The following OLA1 variants were observed in gnomAD, a reference collection of about 807,000 sequenced individuals.
OLA1 encodes obg-like ATPase 1.
OLA1 carries 14 observed loss-of-function variants against 48.4 expected under a neutral mutation model. The observed-to-expected ratio is 0.29, with a 90% CI of 0.19 to 0.45. The LOEUF is 0.45. Ranked by LOEUF, OLA1 falls within the 20% of genes least tolerant of loss-of-function variation. OLA1 has a pLI of 1.00. For synonymous variants in OLA1, 127 were observed against 150.4 expected, an observed-to-expected ratio of 0.84 and a Z score of 1.14; for missense variants, 325 against 467.1, an observed-to-expected ratio of 0.70 and a Z score of 2.80.
At chr2:174,230,963 GC>G (rs1202484078) in intron 2 of OLA1, among the ~76,000 whole-genome samples, 2 of 152,198 alleles carry the variant, frequency 1.3e-5, no homozygotes, top group Non-Finnish European at 2.9e-5. Context: ...CCCATTCTGG[GC>G]AAAAGAAGGA....
chr2:174,130,812 T>G (rs1686163445), intron 5 of OLA1, among the ~76,000 whole-genome samples: 1 of 150,992 alleles, frequency 6.6e-6, no homozygotes, highest in African/African-American at 2.4e-5. Flanking sequence ...CTTAGTAGAA[T>G]GCAAAAAGAT....
intron 2 of OLA1, among the ~76,000 whole-genome samples, chr2:174,241,476 C>T (rs141682346): frequency 2.1e-3 from 320 of 152,200 alleles, no homozygotes; most frequent in African/African-American, 7.4e-3. Flanking sequence ...GATTGGTCTG[C>T]AGAAATTTGG....
intron 4 of OLA1, among the ~76,000 whole-genome samples, chr2:174,209,939 C>T (rs985862029): frequency 1.8e-4 from 28 of 151,780 alleles, no homozygotes; most frequent in Non-Finnish European, 4.1e-4. Context: ...AACTATTAAC[C>T]AATGATATAT....
At chr2:174,203,671 C>T (rs1208252161) in intron 4 of OLA1, among the ~76,000 whole-genome samples, 1 of 151,804 alleles carries the variant, frequency 6.6e-6, no homozygotes, top group Admixed American at 6.6e-5. Flanking sequence ...TTCCCCAGCT[C>T]CTCCATTTTA....
chr2:174,225,107 C>T lies in OLA1; in HGVS notation c.246-1947G>A, dbSNP rs536551117. 3.9e-5 allele frequency among the ~76,000 whole-genome samples: 6 copies of T among 152,212 alleles called. No homozygotes were observed. In the South Asian group the frequency reaches 1.2e-3, roughly 32 times the overall value. On this transcript the variant is annotated intron_variant, in intron 3 of 10. Coordinates refer to ENST00000284719, the MANE Select transcript of OLA1 (RefSeq NM_013341.5). Reference sequence around the variant, plus strand: ...TGGATCCCTCATGAATGGCTTGGTGCCCTCTCCATAGTAATGAGTGAGTTC... The same window carrying T: ...TGGATCCCTCATGAATGGCTTGGTGTCCTCTCCATAGTAATGAGTGAGTTC...
At chr2:174,119,958 C>A (rs199924630) in intron 7 of OLA1, among the ~76,000 whole-genome samples, 10 of 48,540 alleles carry the variant, frequency 2.1e-4, no homozygotes, top group Admixed American at 2.4e-4. Flanking sequence ...CACACACAAA[C>A]ACACACACAC....
At chr2:174,191,507 T>G (rs1687777297) in intron 4 of OLA1, among the ~76,000 whole-genome samples, 1 of 151,800 alleles carries the variant, frequency 6.6e-6, no homozygotes, top group South Asian at 2.1e-4. Flanking sequence ...CAGGCTGGAG[T>G]GCAGAGGTGA....
chr2:174,083,346 C>T (rs936497417), intron 7 of OLA1, among the ~76,000 whole-genome samples: 3 of 151,936 alleles, frequency 2.0e-5, no homozygotes, highest in African/African-American at 7.3e-5. Flanking sequence ...AAGACTATGG[C>T]CCATTGAGCA....
At chr2:174,216,362 T>C (rs1390802088) in intron 4 of OLA1, among the ~76,000 whole-genome samples, 1 of 152,004 alleles carries the variant, frequency 6.6e-6, no homozygotes, top group African/African-American at 2.4e-5. Flanking sequence ...GTGCTATTAG[T>C]GATGCTGGAA....
At chr2:174,148,243 C>T in intron 4 of OLA1, among the ~76,000 whole-genome samples, 1 of 152,094 alleles carries the variant, frequency 6.6e-6, no homozygotes, top group East Asian at 1.9e-4. Context: ...AAATAATTAG[C>T]CAGGCTTGGT....
intron 10 of OLA1, 55 bp from the exon 11 acceptor site, chr2:174,075,582 G>T: frequency 9.6e-7 from 1 of 1,044,314 alleles, no homozygotes; most frequent in South Asian, 1.3e-5. Context: ...TAAATACATG[G>T]GGTAAATGGT....
intron 9 of OLA1, among the ~76,000 whole-genome samples, chr2:174,080,720 T>C (rs1684836193): frequency 6.6e-6 from 1 of 152,092 alleles, no homozygotes; most frequent in East Asian, 1.9e-4. Context: ...AATGATGTCA[T>C]ATTGCTTTTA....
At chr2:174,144,930 TAAAAAAAAAAAA>T (rs71021671) in intron 4 of OLA1, among the ~76,000 whole-genome samples, 9 of 41,108 alleles carry the variant, frequency 2.2e-4, no homozygotes, top group Middle Eastern at 0.021. Context: ...AGACCCTGTT[TAAAAAAAAAAAA>T]AAAAAAAAAA....
At chr2:174,198,151 C>T (rs1574545100) in intron 4 of OLA1, among the ~76,000 whole-genome samples, 2 of 151,934 alleles carry the variant, frequency 1.3e-5, no homozygotes, top group African/African-American at 4.8e-5. Flanking sequence ...TTAGTAGAGA[C>T]GGGGCTTCAC....
At position 174,075,256 on chromosome 2, in the gene OLA1, G is replaced by GT. The variant is rs1288138313; in HGVS notation, c.*169_*170insA. 11,758 of 373,702 alleles carry GT rather than the reference G, an allele frequency of 0.031. 209 individuals carry two copies. The highest frequency in any genetic ancestry group is 0.043 in the Non-Finnish European group (9,443 of 217,510). The allele number at this position is 373,702 out of a possible 1,614,324, so 23.1% of individuals were successfully genotyped here. A position where few individuals can be genotyped will look rare whatever the true frequency, so the allele number is the denominator to read the frequency against. ...CATTTAGTGAACCTGCATTTCATGG[G>GT]GGGGGGGGGGTACACAGTATTTTAA... On this transcript the variant is annotated 3_prime_UTR_variant, in exon 11 of 11. Transcript: ENST00000284719.
At chr2:174,204,344 T>C (rs959576089) in intron 4 of OLA1, among the ~76,000 whole-genome samples, 5 of 151,972 alleles carry the variant, frequency 3.3e-5, no homozygotes, top group Admixed American at 2.6e-4. Flanking sequence ...AAGCTTGCAG[T>C]GAGCCGAGAT....
At chr2:174,228,151 G>A (rs1379273637) in intron 3 of OLA1, among the ~76,000 whole-genome samples, 1 of 152,098 alleles carries the variant, frequency 6.6e-6, no homozygotes, top group Non-Finnish European at 1.5e-5. Flanking sequence ...ATATCAAGGA[G>A]GCAGTTAGAT....
At chr2:174,215,310 A>G (rs896895442) in intron 4 of OLA1, among the ~76,000 whole-genome samples, 8 of 152,188 alleles carry the variant, frequency 5.3e-5, no homozygotes, top group Admixed American at 1.3e-4. Flanking sequence ...CAATTTGTAA[A>G]ATAAAATATG....
intron 2 of OLA1, chr2:174,240,535 C>T (rs1020648859): frequency 6.8e-6 from 1 of 146,914 alleles, no homozygotes; most frequent in Non-Finnish European, 1.5e-5. Flanking sequence ...AATACATATC[C>T]AACAAAGAAC....
Sources: allele counts gnomAD v4.1 joint callset (sites outside exome capture counted in the v4.1 genomes callset), GRCh38; gene constraint gnomAD v4.1.1; transcripts MANE v1.5; gene names NCBI Gene and HGNC (gene_info 2026-07-23, HGNC 2026-07-21).